Variants in RGPD4 observed in about 807,000 individuals in gnomAD.
RGPD4 encodes RANBP2 like and GRIP domain containing 4.
RGPD4 carries 84 observed loss-of-function variants against 141.1 expected under a neutral mutation model. The ratio of observed to expected loss-of-function variants is 0.60; its 90% CI spans 0.50 to 0.71. The LOEUF (loss-of-function observed/expected upper bound fraction) is 0.71. RGPD4 is among the 30% of genes least tolerant of loss of function. The pLI, the probability that RGPD4 is intolerant of heterozygous loss-of-function variation, is 0.00. For missense variants in RGPD4, 918 were observed against 1,622.4 expected (o/e 0.57, Z 7.46); for synonymous variants, 298 against 566.8 (o/e 0.53, Z 6.74).
intron 1 of RGPD4, among the ~76,000 whole-genome samples, chr2:107,831,120 T>A (rs1363949479): frequency 1.2e-5 from 1 of 82,400 alleles, no homozygotes; most frequent in African/African-American, 4.1e-5. Context: ...GAGGTTGTGG[T>A]GAGCAGAGAT....
chr2:107,859,342 T>C, intron 10 of RGPD4, 37 bp from the exon 11 acceptor site: 1 of 1,596,838 alleles, frequency 6.3e-7, no homozygotes, highest in Non-Finnish European at 8.5e-7. Context: ...TTTGTTTAAT[T>C]TTTTTTTCTA....
intron 22 of RGPD4, among the ~76,000 whole-genome samples, chr2:107,885,910 G>A (rs2104521407): frequency 6.6e-6 from 1 of 151,790 alleles, no homozygotes; most frequent in Non-Finnish European, 1.5e-5. Context: ...AAAATTAGCT[G>A]GGCGTGGTGG....
chr2:107,835,033 CTG>C lies in RGPD4; in HGVS notation c.73-1567_73-1566del, dbSNP rs1307182929. On this transcript the variant is annotated intron_variant, in intron 1 of 22. Coordinates refer to ENST00000408999, the MANE Select transcript of RGPD4 (RefSeq NM_182588.3). ...TAAGATGTTTGAGTAGCTGTATACT[CTG>C]TATCACATGGATGGAACATACTCTG... Among the ~76,000 whole-genome samples, 22 of 12,086 alleles carry C rather than the reference CTG, an allele frequency of 1.8e-3. 1 individual carries two copies. The highest frequency in any genetic ancestry group is 0.013 in the African/African-American group (21 of 1,576). The allele number at this position is 12,086 out of a possible 152,430, so 7.9% of individuals were successfully genotyped here.
intron 7 of RGPD4, among the ~76,000 whole-genome samples, chr2:107,852,058 T>C (rs2104438791): frequency 6.7e-6 from 1 of 150,120 alleles, no homozygotes; most frequent in Non-Finnish European, 1.5e-5. Flanking sequence ...CTGACCAACA[T>C]GGTCAAACCC....
At position 107,849,346 on chromosome 2, in the gene RGPD4, G is replaced by A. The variant is rs1293578744; in HGVS notation, c.978+810G>A. Among the ~76,000 whole-genome samples, 6 of 82,180 alleles carry A rather than the reference G, an allele frequency of 7.3e-5. 1 individual carries two copies. The highest frequency in any genetic ancestry group is 2.5e-4 in the Admixed American group (2 of 8,058). The allele number at this position is 82,180 out of a possible 152,430, so 53.9% of individuals were successfully genotyped here. ...TGGGATTACAGGCGCGAGGCACTGC[G>A]CCTGGCGCGCCTGGCCTTTTTTTTT... On this transcript the variant is annotated intron_variant, in intron 7 of 22. Transcript: ENST00000408999.
At chr2:107,886,289 A>C (rs1675510258) in intron 22 of RGPD4, among the ~76,000 whole-genome samples, 1 of 70,164 alleles carries the variant, frequency 1.4e-5, no homozygotes, top group Non-Finnish European at 3.0e-5. Flanking sequence ...ATAAAATCTC[A>C]AGCAGTATTA....
chr2:107,845,758 G>C (rs1401514947), intron 6 of RGPD4, among the ~76,000 whole-genome samples: 2 of 152,086 alleles, frequency 1.3e-5, no homozygotes, highest in Non-Finnish European at 2.9e-5. Context: ...TAGAGACGGA[G>C]TGTCACCTTG....
intron 21 of RGPD4, among the ~76,000 whole-genome samples, chr2:107,881,831 C>T (rs1354134966): frequency 6.6e-6 from 1 of 151,474 alleles, no homozygotes; most frequent in Non-Finnish European, 1.5e-5. Context: ...CATTCTTTGC[C>T]TCATTTCTCT....
chr2:107,886,008 G>T (rs1242994435), intron 22 of RGPD4, among the ~76,000 whole-genome samples: 1 of 150,856 alleles, frequency 6.6e-6, no homozygotes, highest in Non-Finnish European at 1.5e-5. Flanking sequence ...AGCCGAGATG[G>T]TGCCATTGCA....
intron 22 of RGPD4, among the ~76,000 whole-genome samples, chr2:107,888,872 C>T (rs1204201429): frequency 7.0e-6 from 1 of 143,438 alleles, no homozygotes; most frequent in Non-Finnish European, 1.5e-5. Context: ...CCAGCCATGC[C>T]AACATCTTGA....
intron 7 of RGPD4, among the ~76,000 whole-genome samples, chr2:107,852,371 T>A (rs1682149101): frequency 6.6e-6 from 1 of 151,518 alleles, no homozygotes; most frequent in Non-Finnish European, 1.5e-5. Flanking sequence ...GTTTATGAAT[T>A]GAGGTCAGTT....
chr2:107,829,625 CG>C (rs1558786558), intron 1 of RGPD4, among the ~76,000 whole-genome samples: 1 of 152,100 alleles, frequency 6.6e-6, no homozygotes, highest in Non-Finnish European at 1.5e-5. Flanking sequence ...GTTGAGGCGC[CG>C]GCCGGCTGGC....
rs1675640432 is a variant in RGPD4 at position 107,890,903 on chromosome 2, A to G, written c.*172A>G. The G allele has an allele frequency of 3.0e-6, 2 of 661,314 alleles. No homozygotes were observed. Among genetic ancestry groups the G allele is most frequent in the Non-Finnish European group, 5.3e-6 (2 of 380,686 alleles). 41.0% of individuals were successfully genotyped at this position (661,314 alleles called of 1,614,324 possible). A position where few individuals can be genotyped will look rare whatever the true frequency, so the allele number is the denominator to read the frequency against. ...AGTGTGTATATGTTTGCATTTACAT[A>G]TATTTGTACATCTATATGACAGATG... On this transcript the variant is annotated 3_prime_UTR_variant, in exon 23 of 23. Coordinates refer to ENST00000408999, the MANE Select transcript of RGPD4 (RefSeq NM_182588.3).
At chr2:107,867,193 C>T (rs1682756028) in intron 18 of RGPD4, among the ~76,000 whole-genome samples, 1 of 149,774 alleles carries the variant, frequency 6.7e-6, no homozygotes, top group Non-Finnish European at 1.5e-5. Flanking sequence ...TAATACATTG[C>T]TCCCAGGCAG....
intron 22 of RGPD4, among the ~76,000 whole-genome samples, chr2:107,888,661 G>T (rs1156481335): frequency 6.9e-6 from 1 of 144,968 alleles, no homozygotes; most frequent in Non-Finnish European, 1.5e-5. Flanking sequence ...CAGCAAAAAT[G>T]ATAGATTACA....
intron 22 of RGPD4, among the ~76,000 whole-genome samples, chr2:107,884,123 T>A (rs905662944): frequency 6.6e-6 from 1 of 151,658 alleles, no homozygotes; most frequent in African/African-American, 2.4e-5. Flanking sequence ...GTGTTTTTGT[T>A]TGTTTGAGAT....
At chr2:107,889,258 G>T (rs1412441361) in intron 22 of RGPD4, among the ~76,000 whole-genome samples, 3 of 102,098 alleles carry the variant, frequency 2.9e-5, no homozygotes, top group Non-Finnish European at 5.7e-5. Context: ...AGTGAATTAT[G>T]CACTTTAAAA....
intron 1 of RGPD4, among the ~76,000 whole-genome samples, chr2:107,833,298 T>C (rs1405456407): frequency 2.0e-5 from 3 of 152,190 alleles, no homozygotes; most frequent in Non-Finnish European, 4.4e-5. Context: ...AATGTTAAGT[T>C]TTGGACAATT....
rs143248737 is a variant in RGPD4 at position 107,829,827 on chromosome 2, G to C, written c.72+2742G>C. 6.0e-3 allele frequency among the ~76,000 whole-genome samples: 917 copies of C among 152,198 alleles called. 9 individuals carry two copies. Among genetic ancestry groups the C allele is most frequent in the African/African-American group, 0.021 (860 of 41,488 alleles). ...GGCCCCGTAGTACCCGCGCAGCCTG[G>C]TTCTCGGGGGCTTAGGCACCCGGGT... On this transcript the variant is annotated intron_variant, in intron 1 of 22. Coordinates refer to ENST00000408999, the MANE Select transcript of RGPD4 (RefSeq NM_182588.3).
Sources: allele counts gnomAD v4.1 joint callset (sites outside exome capture counted in the v4.1 genomes callset), GRCh38; gene constraint gnomAD v4.1.1; transcripts MANE v1.5; gene names NCBI Gene and HGNC (gene_info 2026-07-23, HGNC 2026-07-21).